Variants in VDAC1 observed in about 807,000 individuals in gnomAD.
The protein encoded by VDAC1 is non-selective voltage-gated ion channel VDAC1.
In VDAC1, 10 loss-of-function variants were observed where a neutral mutation model predicts 34.7. That is an observed-to-expected ratio of 0.29 (90% CI 0.18 to 0.49). The LOEUF (loss-of-function observed/expected upper bound fraction) is 0.49. Ranked by LOEUF, VDAC1 falls within the 20% of genes least tolerant of loss-of-function variation. The pLI is 0.99. For missense variants in VDAC1, 230 were observed against 347.9 expected (o/e 0.66, Z 2.69); for synonymous variants, 130 against 136.0 (o/e 0.96, Z 0.30).
the VDAC1 span, among the ~76,000 whole-genome samples, chr5:134,022,344 T>C: frequency 6.6e-6 from 1 of 152,228 alleles, no homozygotes; most frequent in African/African-American, 2.4e-5. Context: ...ACTGGGTAAT[T>C]TATAATAAAC....
chr5:134,042,740 G>T, the VDAC1 span, among the ~76,000 whole-genome samples: 1 of 152,186 alleles, frequency 6.6e-6, no homozygotes, highest in East Asian at 1.9e-4. Context: ...GCCTGCTTCA[G>T]CCTCCCAAAG....
chr5:134,111,488 A>G, the VDAC1 span, among the ~76,000 whole-genome samples: 1 of 152,040 alleles, frequency 6.6e-6, no homozygotes, highest in African/African-American at 2.4e-5. Flanking sequence ...TCATCTGTGT[A>G]TGTGATCTGA....
At chr5:134,039,611 G>A in the VDAC1 span, among the ~76,000 whole-genome samples, 23 of 152,100 alleles carry the variant, frequency 1.5e-4, 1 homozygote, top group Non-Finnish European at 2.9e-5. Context: ...TTACAGGCGT[G>A]AGCCACCGCG....
chr5:134,004,156 G>T (rs1221732899), intron 1 of VDAC1, among the ~76,000 whole-genome samples: 1 of 152,152 alleles, frequency 6.6e-6, no homozygotes, highest in Non-Finnish European at 1.5e-5. Context: ...TGGGCCTGGG[G>T]ACTCGGGGCC....
At chr5:134,091,494 A>G in the VDAC1 span, among the ~76,000 whole-genome samples, 1 of 152,220 alleles carries the variant, frequency 6.6e-6, no homozygotes, top group Admixed American at 6.5e-5. Context: ...GGGACAGAGA[A>G]GTAAAGGGAT....
the VDAC1 span, among the ~76,000 whole-genome samples, chr5:134,105,226 G>A: frequency 2.0e-5 from 3 of 152,152 alleles, no homozygotes; most frequent in Admixed American, 1.3e-4. Context: ...TGATATCCCA[G>A]GAGCTCCTCT....
chr5:134,024,552 A>G, the VDAC1 span, among the ~76,000 whole-genome samples: 3 of 151,872 alleles, frequency 2.0e-5, no homozygotes, highest in Non-Finnish European at 4.4e-5. Context: ...AAAAAAAAAA[A>G]ACCTGGCTAA....
intron 6 of VDAC1, among the ~76,000 whole-genome samples, chr5:133,977,336 T>C (rs1580708247): frequency 6.6e-6 from 1 of 152,374 alleles, no homozygotes; most frequent in African/African-American, 2.4e-5. Flanking sequence ...GGGAGCTTTT[T>C]GCTACATCAT....
chr5:134,085,733 A>T, the VDAC1 span, among the ~76,000 whole-genome samples: 1 of 144,566 alleles, frequency 6.9e-6, no homozygotes, highest in African/African-American at 2.7e-5. Flanking sequence ...AAAAAAAAAA[A>T]AAAAAAAAAA....
chr5:134,010,772 C>A, the VDAC1 span, among the ~76,000 whole-genome samples: 1 of 152,076 alleles, frequency 6.6e-6, no homozygotes, highest in African/African-American at 2.4e-5. Flanking sequence ...CTCACTGGAA[C>A]CTGTGAATGT....
At chr5:134,066,347 C>T in the VDAC1 span, among the ~76,000 whole-genome samples, 1 of 152,176 alleles carries the variant, frequency 6.6e-6, no homozygotes, top group African/African-American at 2.4e-5. Context: ...TGTAACTATT[C>T]AACTCTGGTA....
intron 7 of VDAC1, 63 bp downstream of exon 7, chr5:133,975,808 A>G: frequency 1.3e-6 from 2 of 1,594,422 alleles, no homozygotes; most frequent in South Asian, 1.1e-5. Flanking sequence ...GCAAACCTGA[A>G]GGATTCCAAC....
chr5:134,072,269 CAGAG>C, the VDAC1 span, among the ~76,000 whole-genome samples: 1 of 152,048 alleles, frequency 6.6e-6, no homozygotes, highest in Non-Finnish European at 1.5e-5. Flanking sequence ...GTTACCCAAC[CAGAG>C]AGAGAGGGTA....
At chr5:134,079,389 G>T in the VDAC1 span, among the ~76,000 whole-genome samples, 10 of 152,352 alleles carry the variant, frequency 6.6e-5, no homozygotes, top group East Asian at 1.3e-3. Flanking sequence ...GGGACCAGGG[G>T]TCTGGACTAA....
At chr5:133,982,872 A>G (rs1441334610) in intron 5 of VDAC1, among the ~76,000 whole-genome samples, 1 of 151,908 alleles carries the variant, frequency 6.6e-6, no homozygotes, top group East Asian at 1.9e-4. Flanking sequence ...CCTGGGTAGC[A>G]AGAATAAAAC....
the VDAC1 span, among the ~76,000 whole-genome samples, chr5:134,105,436 T>G: frequency 9.2e-5 from 14 of 152,342 alleles, no homozygotes; most frequent in East Asian, 2.7e-3. Context: ...AGTTTCCACG[T>G]CTGTAAAATG....
At chr5:134,102,809 G>C in the VDAC1 span, among the ~76,000 whole-genome samples, 1 of 152,092 alleles carries the variant, frequency 6.6e-6, no homozygotes, top group Non-Finnish European at 1.5e-5. Flanking sequence ...CTGAGTTTGG[G>C]CTATAGGGCA....
the VDAC1 span, among the ~76,000 whole-genome samples, chr5:134,105,975 T>C: frequency 1.3e-5 from 2 of 152,254 alleles, no homozygotes; most frequent in Non-Finnish European, 2.9e-5. Context: ...GGGCCCTTCT[T>C]GGCCCACCCC....
chr5:134,023,586 G>C, the VDAC1 span, among the ~76,000 whole-genome samples: 1 of 151,820 alleles, frequency 6.6e-6, no homozygotes, highest in Non-Finnish European at 1.5e-5. Flanking sequence ...AACGTTCTTC[G>C]GAACATTCAT....
Sources: gnomAD v4.1 joint callset for allele counts (sites outside exome capture counted in the v4.1 genomes callset) on GRCh38, gnomAD v4.1.1 for gene constraint, MANE v1.5 for transcripts, NCBI Gene and HGNC (gene_info 2026-07-23, HGNC 2026-07-21) for gene names.